The following SNTN variants were observed in gnomAD, a reference collection of about 807,000 sequenced individuals.
The protein encoded by SNTN is sentan.
In SNTN, 13 loss-of-function variants were observed where a neutral mutation model predicts 12.3. The observed-to-expected ratio is 1.05, with a 90% CI of 0.69 to 1.67. SNTN has a LOEUF of 1.67. Ranked by LOEUF, SNTN falls within the 40% of genes most tolerant of loss-of-function variation. SNTN has a pLI of 0.00. For synonymous variants in SNTN, 69 were observed against 58.5 expected (o/e 1.18, Z -0.82); for missense variants, 189 against 169.8 (o/e 1.11, Z -0.63).
intron 2 of SNTN, among the ~76,000 whole-genome samples, chr3:63,656,437 T>C (rs1700680200): frequency 6.6e-6 from 1 of 152,118 alleles, no homozygotes; most frequent in South Asian, 2.1e-4. Context: ...CACTTGAAAT[T>C]TGGTTAATTT....
intron 3 of SNTN, 98 bp from the exon 4 acceptor site, chr3:63,663,839 A>T (rs888616479): frequency 7.0e-7 from 1 of 1,435,540 alleles, no homozygotes. Flanking sequence ...CAGGTATTCT[A>T]TTACAGCAAC....
At chr3:63,657,621 G>A (rs573179555) in intron 2 of SNTN, among the ~76,000 whole-genome samples, 1 of 152,234 alleles carries the variant, frequency 6.6e-6, no homozygotes, top group East Asian at 1.9e-4. Context: ...AAGGCATGCT[G>A]TTTTTTAAAA....
At position 63,655,340 on chromosome 3, in the gene SNTN, C is replaced by T. The variant is rs1230051590; in HGVS notation, c.145+544C>T. ...TGTATACTTGGATCATTCTTTTATTCAAAAGTATAAGGCTTCACCTGTTTA... is the reference window on the plus strand; with the variant it reads ...TGTATACTTGGATCATTCTTTTATTTAAAAGTATAAGGCTTCACCTGTTTA... On this transcript the variant is annotated intron_variant, in intron 2 of 3. Coordinates refer to ENST00000343837, the MANE Select transcript of SNTN (RefSeq NM_001080537.2). Among the ~76,000 whole-genome samples, 3 of 152,104 alleles carry T rather than the reference C, an allele frequency of 2.0e-5. No individual in the cohort carries two copies. The East Asian group carries it at 5.8e-4, about 29-fold the overall frequency.
At chr3:63,656,346 G>C (rs1210605061) in intron 2 of SNTN, among the ~76,000 whole-genome samples, 1 of 152,118 alleles carries the variant, frequency 6.6e-6, no homozygotes, top group Admixed American at 6.6e-5. Flanking sequence ...AGATAAACAA[G>C]AGGCAATAAC....
At chr3:63,653,059 CTT>C in intron 1 of SNTN, among the ~76,000 whole-genome samples, 1 of 152,314 alleles carries the variant, frequency 6.6e-6, no homozygotes, top group Admixed American at 6.5e-5. Context: ...TTGGTGATGA[CTT>C]AACTGTGTAG....
intron 2 of SNTN, among the ~76,000 whole-genome samples, chr3:63,657,727 A>G (rs1700696259): frequency 6.6e-6 from 1 of 152,218 alleles, no homozygotes; most frequent in African/African-American, 2.4e-5. Context: ...GTCAAAAAAT[A>G]TCTGGATTCC....
chr3:63,654,692 C>T (rs1234782273), intron 1 of SNTN, 70 bp from the exon 2 acceptor site: 8 of 1,312,126 alleles, frequency 6.1e-6, no homozygotes, highest in South Asian at 1.3e-5. Context: ...CATTATATTG[C>T]TCTGCTATAG....
intron 3 of SNTN, 183 bp from the exon 4 acceptor site, chr3:63,663,754 T>A (rs1252560206): frequency 8.1e-6 from 6 of 740,284 alleles, no homozygotes; most frequent in Non-Finnish European, 1.5e-5. Context: ...CACATGCAGA[T>A]GCCTGATCTT....
intron 1 of SNTN, 92 bp downstream of exon 1, chr3:63,652,889 T>A: frequency 8.2e-7 from 1 of 1,212,716 alleles, no homozygotes; most frequent in Non-Finnish European, 1.2e-6. Flanking sequence ...ATAAGCCAAG[T>A]TATTGCCAGT....
chr3:63,663,736 G>C (rs941413004), intron 3 of SNTN: 2 of 696,890 alleles, frequency 2.9e-6, no homozygotes, highest in Non-Finnish European at 5.3e-6. Context: ...GCAGCCTGAG[G>C]TCCTCACCAC....
chr3:63,652,908 T>A, intron 1 of SNTN, 111 bp downstream of exon 1: 1 of 905,922 alleles, frequency 1.1e-6, no homozygotes, highest in Non-Finnish European at 1.7e-6. Flanking sequence ...GTTTGGTGCC[T>A]ATTACCTACC....
intron 1 of SNTN, among the ~76,000 whole-genome samples, chr3:63,654,031 T>C (rs1048125045): frequency 8.5e-5 from 13 of 152,224 alleles, no homozygotes; most frequent in Admixed American, 6.5e-4. Context: ...ACTGATTCAT[T>C]AGGCTCAGGC....
At position 63,664,308 on chromosome 3, in the gene SNTN, A is replaced by T; in HGVS notation, c.*213A>T. On this transcript the variant is annotated 3_prime_UTR_variant, in exon 4 of 4. Transcript: ENST00000343837. ...ATAAGGTCTCTGTGTGCTTTACAAT[A>T]GGATAGATTTGATACCACTGAATAA... 1 of 489,026 alleles carries T rather than the reference A, an allele frequency of 2.0e-6. No individual in the cohort carries two copies. The highest frequency in any genetic ancestry group is 3.5e-6 in the Non-Finnish European group (1 of 282,534). 30.3% of individuals were successfully genotyped at this position (489,026 alleles called of 1,614,324 possible).
Position 63,652,753 on chromosome 3 carries a change from T to C in SNTN, c.66T>C (p.Ser22=), listed in dbSNP as rs112566673. 2 of 1,614,100 alleles carry C rather than the reference T, an allele frequency of 1.2e-6. No individual in the cohort carries two copies. Among genetic ancestry groups the C allele is most frequent in the East Asian group, 2.2e-5 (1 of 44,880 alleles). Residue 22 remains serine (S), a synonymous_variant, in exon 1 of 4, where the codon TCT becomes TCC. Transcript: ENST00000343837. ...ACTTGGAAGGAGATCCCAATCCTTC[T>C]GCAGCCCCAACATCCACCTGCGCAC... ...SLHLEGDPNP[S]AAPTSTCAPR...
At chr3:63,657,286 TG>T (rs2106940154) in intron 2 of SNTN, among the ~76,000 whole-genome samples, 1 of 152,302 alleles carries the variant, frequency 6.6e-6, no homozygotes, top group African/African-American at 2.4e-5. Context: ...TGTCTTTCCC[TG>T]CACCCCCATT....
rs1305685669 is a variant in SNTN, at chr3:63,664,939, G to A, written c.*844G>A. Among the ~76,000 whole-genome samples the A allele has an allele frequency of 6.6e-6, 1 of 151,830 alleles. No individual in the cohort carries two copies. Among genetic ancestry groups the A allele is most frequent in the Non-Finnish European group, 1.5e-5 (1 of 67,944 alleles). On this transcript the variant is annotated 3_prime_UTR_variant, in exon 4 of 4. Coordinates refer to ENST00000343837, the MANE Select transcript of SNTN (RefSeq NM_001080537.2). ...GGCTAATTTTTTTTGTATTTTTAGT[G>A]GAGACGGGGTTTCGCCATGTCGGCC...
chr3:63,656,207 A>C (rs780444919), intron 2 of SNTN, among the ~76,000 whole-genome samples: 2 of 152,190 alleles, frequency 1.3e-5, no homozygotes, highest in African/African-American at 4.8e-5. Context: ...GAATTAGGAG[A>C]TTTAGTGTTC....
chr3:63,664,219 T>TACCA lies in SNTN; in HGVS notation c.*124_*125insACCA. ...TGAAATTGCCTAGGATGGTTCTGAT[T>TACCA]GCTGGTATTCAGATCCAATGTAACT... is the stretch of plus-strand genomic sequence containing the variant. On this transcript the variant is annotated 3_prime_UTR_variant, in exon 4 of 4. Transcript: ENST00000343837. 5 of 927,768 alleles carry TACCA rather than the reference T, an allele frequency of 5.4e-6. No individual in the cohort carries two copies. Among genetic ancestry groups the TACCA allele is most frequent in the Non-Finnish European group, 7.9e-6 (5 of 634,418 alleles). The allele number at this position is 927,768 out of a possible 1,614,324, so 57.5% of individuals were successfully genotyped here. A position where few individuals can be genotyped will look rare whatever the true frequency, so the allele number is the denominator to read the frequency against.
At position 63,654,758 on chromosome 3, in the gene SNTN, G is replaced by T. The variant is rs756768034; in HGVS notation, c.111-4G>T. On this transcript the variant is annotated splice_region_variant and splice_polypyrimidine_tract_variant and intron_variant, in intron 1 of 3. Transcript: ENST00000343837. ...TCATTCTGTTTCTTTCATTTTGTTG[G>T]CAGGATTTCAATATCCAAACAACTG... 2.5e-6 allele frequency: 4 copies of T among 1,612,208 alleles called. No homozygotes were observed. The South Asian group carries it at 4.4e-5, about 18-fold the overall frequency.
Sources: gnomAD v4.1 joint callset for allele counts (sites outside exome capture counted in the v4.1 genomes callset) on GRCh38, gnomAD v4.1.1 for gene constraint, MANE v1.5 for transcripts, NCBI Gene and HGNC (gene_info 2026-07-23, HGNC 2026-07-21) for gene names.